Variants in PNKD observed in about 807,000 individuals in gnomAD.
PNKD encodes probable thioesterase PNKD.
Under a neutral mutation model 45.3 loss-of-function variants are expected in PNKD, and 36 were observed. That is an observed-to-expected ratio of 0.80 (90% CI 0.61 to 1.05). The LOEUF is 1.05. PNKD is among the 50% of genes least tolerant of loss of function. PNKD has a pLI of 0.00. For missense variants in PNKD, 511 were observed against 506.6 expected, an observed-to-expected ratio of 1.01 and a Z score of -0.08; for synonymous variants, 197 against 210.1, an observed-to-expected ratio of 0.94 and a Z score of 0.54.
intron 2 of PNKD, among the ~76,000 whole-genome samples, chr2:218,325,198 CTTTT>C (rs746439948): frequency 1.0e-4 from 4 of 39,758 alleles, no homozygotes; most frequent in African/African-American, 3.6e-4. Flanking sequence ...CGCACCCGGC[CTTTT>C]TTTTTTTTTT....
intron 2 of PNKD, among the ~76,000 whole-genome samples, chr2:218,324,349 G>C (rs905177118): frequency 4.6e-5 from 7 of 152,350 alleles, no homozygotes; most frequent in African/African-American, 1.2e-4. Flanking sequence ...GAGAGCCTAA[G>C]CCTGGGAATT....
At chr2:218,287,308 G>C (rs1692598910) in intron 2 of PNKD, 1 of 152,202 alleles carries the variant, frequency 6.6e-6, no homozygotes. Flanking sequence ...TCCCTTCCCA[G>C]CCCCGCCCAC....
chr2:218,312,302 C>T (rs1294843561), intron 2 of PNKD, among the ~76,000 whole-genome samples: 2 of 152,140 alleles, frequency 1.3e-5, no homozygotes, highest in African/African-American at 4.8e-5. Flanking sequence ...TAGAACAGTG[C>T]CTTGCCTGTG....
chr2:218,345,011 C>G lies in PNKD; in HGVS notation c.*30C>G. ...CCCAGCGCCCCCAGCCCAGCCCACTCCCCGCATGGGGAGGCCGCCACCACC... is the reference window on the plus strand; with the variant it reads ...CCCAGCGCCCCCAGCCCAGCCCACTGCCCGCATGGGGAGGCCGCCACCACC... On this transcript the variant is annotated 3_prime_UTR_variant, in exon 10 of 10. Coordinates refer to ENST00000273077, the MANE Select transcript of PNKD (RefSeq NM_015488.5). 6.3e-7 allele frequency: 1 copy of G among 1,578,558 alleles called. No homozygotes were observed. Among genetic ancestry groups the G allele is most frequent in the Non-Finnish European group, 8.6e-7 (1 of 1,157,094 alleles).
At chr2:218,284,863 G>A (rs562896120) in intron 2 of PNKD, among the ~76,000 whole-genome samples, 111 of 152,330 alleles carry the variant, frequency 7.3e-4, no homozygotes, top group Non-Finnish European at 1.2e-3. Flanking sequence ...GGCCGAGGCA[G>A]GTGGATCACC....
intron 2 of PNKD, among the ~76,000 whole-genome samples, chr2:218,297,777 A>G (rs1239698676): frequency 6.6e-6 from 1 of 151,412 alleles, no homozygotes; most frequent in Non-Finnish European, 1.5e-5. Context: ...AGGCGGGCAG[A>G]TCACAAGGTC....
intron 2 of PNKD, chr2:218,277,469 A>C: frequency 6.2e-7 from 1 of 1,613,824 alleles, no homozygotes; most frequent in Non-Finnish European, 8.5e-7. Flanking sequence ...GAGAAGCAGG[A>C]GTTACAGACA....
chr2:218,298,955 T>G (rs1007147988), intron 2 of PNKD, among the ~76,000 whole-genome samples: 7 of 152,128 alleles, frequency 4.6e-5, no homozygotes, highest in Non-Finnish European at 1.0e-4. Flanking sequence ...TGAGAACCTC[T>G]CCTTACCAAT....
intron 2 of PNKD, among the ~76,000 whole-genome samples, chr2:218,319,292 A>G (rs1397455258): frequency 2.0e-5 from 3 of 148,306 alleles, no homozygotes; most frequent in Non-Finnish European, 3.0e-5. Flanking sequence ...GAGTTTTTCA[A>G]TTTGCGTATG....
intron 2 of PNKD, among the ~76,000 whole-genome samples, chr2:218,325,931 T>C (rs1694140749): frequency 6.6e-6 from 1 of 152,066 alleles, no homozygotes; most frequent in Non-Finnish European, 1.5e-5. Context: ...CCTCATAGTC[T>C]GGGAAACAAT....
At chr2:218,309,416 CAAAAAAAAAAAA>C (rs10553302) in intron 2 of PNKD, among the ~76,000 whole-genome samples, 2 of 54,466 alleles carry the variant, frequency 3.7e-5, no homozygotes, top group African/African-American at 1.6e-4. Flanking sequence ...GACTCCGCCT[CAAAAAAAAAAAA>C]AAAAAAAAAA....
chr2:218,303,205 G>A (rs1006270266), intron 2 of PNKD, among the ~76,000 whole-genome samples: 2 of 152,128 alleles, frequency 1.3e-5, no homozygotes, highest in African/African-American at 4.8e-5. Context: ...CCTCCCAAAA[G>A]TGTAATCCTT....
intron 2 of PNKD, among the ~76,000 whole-genome samples, chr2:218,329,240 C>T (rs7598430): frequency 0.47 from 71,066 of 151,948 alleles, 16,659 homozygotes; most frequent in Middle Eastern, 0.6. Flanking sequence ...ACTAAGGGGC[C>T]TTGGAGCAGA....
intron 2 of PNKD, among the ~76,000 whole-genome samples, chr2:218,327,649 G>A (rs1184103479): frequency 4.0e-5 from 6 of 151,848 alleles, no homozygotes; most frequent in Non-Finnish European, 7.4e-5. Context: ...CACGCCCCTC[G>A]CCCAGGCCTT....
chr2:218,281,671 G>T (rs944473746), intron 2 of PNKD, among the ~76,000 whole-genome samples: 1 of 152,110 alleles, frequency 6.6e-6, no homozygotes, highest in Non-Finnish European at 1.5e-5. Flanking sequence ...TCATTACTTG[G>T]CCCAGCCCCA....
intron 2 of PNKD, among the ~76,000 whole-genome samples, chr2:218,290,894 ATGT>A: frequency 6.6e-6 from 1 of 152,204 alleles, no homozygotes; most frequent in East Asian, 1.9e-4. Flanking sequence ...ATGATCAGAC[ATGT>A]TGTTAGCAGA....
At chr2:218,305,430 C>A (rs1693380028) in intron 2 of PNKD, among the ~76,000 whole-genome samples, 1 of 152,092 alleles carries the variant, frequency 6.6e-6, no homozygotes, top group Admixed American at 6.6e-5. Context: ...TAGTTCACTG[C>A]AGCATCAACC....
chr2:218,312,592 G>C (rs1229108369), intron 2 of PNKD, among the ~76,000 whole-genome samples: 2 of 151,956 alleles, frequency 1.3e-5, no homozygotes, highest in African/African-American at 4.8e-5. Flanking sequence ...GAAAACCTGG[G>C]CCGGGAGGGA....
chr2:218,319,887 G>A (rs1559523429), intron 2 of PNKD, among the ~76,000 whole-genome samples: 3 of 152,280 alleles, frequency 2.0e-5, no homozygotes, highest in Non-Finnish European at 4.4e-5. Flanking sequence ...CACATGGAGG[G>A]GTTGGCGTTT....
Sources: gnomAD v4.1 joint callset for allele counts (sites outside exome capture counted in the v4.1 genomes callset) on GRCh38, gnomAD v4.1.1 for gene constraint, MANE v1.5 for transcripts, NCBI Gene and HGNC (gene_info 2026-07-23, HGNC 2026-07-21) for gene names.